The following CPAMD8 variants were observed in gnomAD, a reference collection of about 807,000 sequenced individuals.
CPAMD8 encodes the protein C3 and PZP-like alpha-2-macroglobulin domain-containing protein 8.
In CPAMD8, 146 loss-of-function variants were observed where a neutral mutation model predicts 224.7. That is an observed-to-expected ratio of 0.65 (90% CI 0.57 to 0.75). The LOEUF (loss-of-function observed/expected upper bound fraction) is 0.75. Among genes scored for constraint, CPAMD8 ranks in the 30% least tolerant of loss-of-function variants. The pLI is 0.00. For synonymous variants in CPAMD8, 966 were observed against 1,044.6 expected, an observed-to-expected ratio of 0.92 and a Z score of 1.45; for missense variants, 2,301 against 2,537.5, an observed-to-expected ratio of 0.91 and a Z score of 2.00.
At chr19:16,918,641 C>T (rs1026207249) in intron 27 of CPAMD8, among the ~76,000 whole-genome samples, 3 of 151,114 alleles carry the variant, frequency 2.0e-5, no homozygotes, top group African/African-American at 7.3e-5. Flanking sequence ...GAGATGAGGT[C>T]TTGCCATGTT....
intron 10 of CPAMD8, among the ~76,000 whole-genome samples, chr19:16,999,424 C>CA (rs936090447): frequency 4.7e-4 from 68 of 144,852 alleles, no homozygotes; most frequent in East Asian, 4.6e-3. Context: ...ACTAAAAATA[C>CA]AAAAAAAAAA....
rs567700016 is a variant in CPAMD8 at position 16,996,504 on chromosome 19, A to G, written c.1095+607T>C. 5.3e-5 allele frequency among the ~76,000 whole-genome samples: 8 copies of G among 152,204 alleles called. No individual in the cohort carries two copies. In the East Asian group the frequency reaches 5.8e-4, roughly 11 times the overall value. ...TCTACCTTTGCAGGGCTCTCAACTT[A>G]GGTCCTCAGGGGATAAAATCAACCC... On this transcript the variant is annotated intron_variant, in intron 11 of 41. Transcript: ENST00000443236.
At chr19:16,988,055 A>T (rs2055808602) in intron 13 of CPAMD8, among the ~76,000 whole-genome samples, 2 of 152,170 alleles carry the variant, frequency 1.3e-5, no homozygotes, top group Non-Finnish European at 2.9e-5. Context: ...ACACACACAC[A>T]CCTTATGTAA....
chr19:16,934,284 AC>A (rs1198460598), intron 23 of CPAMD8, among the ~76,000 whole-genome samples: 1 of 152,196 alleles, frequency 6.6e-6, no homozygotes, highest in Non-Finnish European at 1.5e-5. Flanking sequence ...GTTAAAACTC[AC>A]CAAATTGCAC....
chr19:16,954,192 G>C (rs1372437337), intron 19 of CPAMD8, among the ~76,000 whole-genome samples: 1 of 152,068 alleles, frequency 6.6e-6, no homozygotes, highest in Non-Finnish European at 1.5e-5. Context: ...AATTAGCCAG[G>C]TGTGGTGGTG....
Position 16,944,963 on chromosome 19 carries a change from G to A in CPAMD8, c.2793+586C>T, listed in dbSNP as rs538997308. On this transcript the variant is annotated intron_variant, in intron 22 of 41. Coordinates refer to ENST00000443236, the MANE Select transcript of CPAMD8 (RefSeq NM_015692.5). ...AAGCAGCCAAGAAAAGATGAGGCAT[G>A]GTGGCTGCTGCATGCTCAGCCCTGA... Among the ~76,000 whole-genome samples the A allele has an allele frequency of 1.3e-4, 20 of 152,296 alleles. No homozygotes were observed. The East Asian group carries it at 3.9e-3, about 29-fold the overall frequency.
chr19:16,911,249 C>T (rs892164597), intron 29 of CPAMD8, among the ~76,000 whole-genome samples: 7 of 152,208 alleles, frequency 4.6e-5, no homozygotes, highest in East Asian at 1.9e-4. Context: ...TGTATTACCA[C>T]CTGAGCTCCA....
chr19:16,948,985 AAAG>A (rs1175913793), intron 20 of CPAMD8, among the ~76,000 whole-genome samples: 6 of 140,114 alleles, frequency 4.3e-5, no homozygotes, highest in South Asian at 2.6e-4. Flanking sequence ...GGGAGAAAGA[AAAG>A]AAAGAAAGAG....
intron 18 of CPAMD8, among the ~76,000 whole-genome samples, chr19:16,970,510 G>C (rs1464944721): frequency 6.6e-6 from 1 of 151,992 alleles, no homozygotes; most frequent in Admixed American, 6.6e-5. Context: ...ACTTGAACCT[G>C]GGAGGTGGAG....
At chr19:16,952,370 C>T (rs2054326515) in intron 19 of CPAMD8, among the ~76,000 whole-genome samples, 170 bp from the exon 20 acceptor site, 1 of 152,206 alleles carries the variant, frequency 6.6e-6, no homozygotes, top group East Asian at 1.9e-4. Flanking sequence ...AACTGTCCCT[C>T]AGCCCTGACT....
chr19:17,001,109 G>A (rs1009164117), intron 9 of CPAMD8, among the ~76,000 whole-genome samples: 7 of 151,970 alleles, frequency 4.6e-5, no homozygotes, highest in African/African-American at 1.7e-4. Flanking sequence ...ATCACTTGAG[G>A]TCAGGAGTTC....
In CPAMD8 at chr19:17,011,458, T is replaced by A. The variant is rs1568599539; in HGVS notation, c.486+6A>T. The A allele has an allele frequency of 6.2e-7, 1 of 1,614,188 alleles. No individual in the cohort carries two copies. Among genetic ancestry groups the A allele is most frequent in the Admixed American group, 1.7e-5 (1 of 60,028 alleles). ...CCGGGCCCGCGGTTTTAGAAGCTGA[T>A]CTCACCTTCTCGTTGACAGGCCTCA... On this transcript the variant is annotated splice_donor_region_variant and intron_variant, in intron 5 of 41. Coordinates refer to ENST00000443236, the MANE Select transcript of CPAMD8 (RefSeq NM_015692.5).
intron 22 of CPAMD8, among the ~76,000 whole-genome samples, chr19:16,942,926 G>C (rs1196427070): frequency 6.6e-6 from 1 of 152,012 alleles, no homozygotes; most frequent in Non-Finnish European, 1.5e-5. Flanking sequence ...GGCCTCTCTG[G>C]ATTTGCCTGT....
intron 35 of CPAMD8, 125 bp from the exon 36 acceptor site, chr19:16,901,422 G>A (rs187670194): frequency 2.9e-4 from 205 of 700,866 alleles, no homozygotes; most frequent in Non-Finnish European, 4.4e-4. Flanking sequence ...GGCCTGGCCG[G>A]CAGGCCAACA....
Position 16,929,074 on chromosome 19 carries a change from C to T in CPAMD8, c.3012G>A (p.Gly1004=), listed in dbSNP as rs754263748. Residue 1004 remains glycine (G), a synonymous_variant, in exon 24 of 42, where the codon GGG becomes GGA. Coordinates refer to ENST00000443236, the MANE Select transcript of CPAMD8 (RefSeq NM_015692.5). ...TAGMIEIVLG[G]HQNTRSWIST... ...AGATCCATGACCTGGTGTTCTGATG[C>T]CCCCCCAGGACGATCTCGATCATGC... 3 of 1,612,964 alleles carry T rather than the reference C, an allele frequency of 1.9e-6. No homozygotes were observed. The highest frequency in any genetic ancestry group is 2.5e-6 in the Non-Finnish European group (3 of 1,179,260).
Position 16,899,892 on chromosome 19 carries a change from C to A in CPAMD8, c.4774-343G>T, listed in dbSNP as rs2052179937. Among the ~76,000 whole-genome samples, 1 of 141,068 alleles carries A rather than the reference C, an allele frequency of 7.1e-6. No individual in the cohort carries two copies. Among genetic ancestry groups the A allele is most frequent in the African/African-American group, 2.6e-5 (1 of 38,490 alleles). 92.5% of individuals were successfully genotyped at this position (141,068 alleles called of 152,430 possible). On this transcript the variant is annotated intron_variant, in intron 36 of 41. Coordinates refer to ENST00000443236, the MANE Select transcript of CPAMD8 (RefSeq NM_015692.5). The surrounding 1 kb of genome is among the most constrained non-coding windows in gnomAD (Gnocchi z 5.4). ...TGCACTGTTCAAGTTCCCCTCCCAGCCTGGGATTTTTTTTTTTTTTTCAGT... is the reference window on the plus strand; with the variant it reads ...TGCACTGTTCAAGTTCCCCTCCCAGACTGGGATTTTTTTTTTTTTTTCAGT...
rs751432692 is a variant in CPAMD8 at position 16,938,457 on chromosome 19, G to C, written c.2794-11C>G. On this transcript the variant is annotated splice_polypyrimidine_tract_variant and intron_variant, in intron 22 of 41. Coordinates refer to ENST00000443236, the MANE Select transcript of CPAMD8 (RefSeq NM_015692.5). ...GGGGACTCCTTCCGCCTGAAACAAA[G>C]AAACAAGGAGAACTGAGTGCTGGGG... 5 of 1,556,274 alleles carry C rather than the reference G, an allele frequency of 3.2e-6. No individual in the cohort carries two copies. The Admixed American group carries it at 7.4e-5, about 23-fold the overall frequency.
intron 17 of CPAMD8, among the ~76,000 whole-genome samples, chr19:16,972,052 AAAAAG>A (rs1271175286): frequency 2.6e-5 from 4 of 152,138 alleles, no homozygotes; most frequent in African/African-American, 9.7e-5. Context: ...ATCTCAAAAG[AAAAAG>A]AAAAGAAAAG....
At chr19:16,975,836 T>C (rs957620432) in intron 16 of CPAMD8, among the ~76,000 whole-genome samples, 166 bp downstream of exon 16, 2 of 152,134 alleles carry the variant, frequency 1.3e-5, no homozygotes, top group African/African-American at 4.8e-5. Context: ...GCAGGAAGGA[T>C]TTATCAGACA....
Sources: gnomAD v4.1 joint callset for allele counts (sites outside exome capture counted in the v4.1 genomes callset) on GRCh38, gnomAD v4.1.1 for gene constraint, Gnocchi (gnomAD v3.1) non-coding constraint, MANE v1.5 for transcripts, NCBI Gene and HGNC (gene_info 2026-07-23, HGNC 2026-07-21) for gene names.